The following CPNE3 variants were observed in gnomAD, a reference collection of about 807,000 sequenced individuals.
CPNE3 encodes copine-3.
CPNE3 carries 68 observed loss-of-function variants against 63.9 expected under a neutral mutation model. That is an observed-to-expected ratio of 1.06 (90% CI 0.87 to 1.30). The LOEUF (loss-of-function observed/expected upper bound fraction) is 1.30. CPNE3 is among the 50% of genes most tolerant of loss of function. The pLI is 0.00. For synonymous variants in CPNE3, 219 were observed against 197.5 expected (o/e 1.11, Z -0.91); for missense variants, 665 against 578.1 (o/e 1.15, Z -1.54).
rs199752866 is a variant in CPNE3 at position 86,558,433 on chromosome 8, T to C, written c.*23T>C. On this transcript the variant is annotated 3_prime_UTR_variant, in exon 17 of 17. Coordinates refer to ENST00000517490, the MANE Select transcript of CPNE3 (RefSeq NM_003909.5). ...TGACCACTTCAACAGAATTCTTTTG[T>C]GTTATGTGGAGCAATGCCATCTCTC... 59 of 872,782 alleles carry C rather than the reference T, an allele frequency of 6.8e-5. No homozygotes were observed. In the Middle Eastern group the frequency reaches 3.3e-3, roughly 48 times the overall value. The allele number at this position is 872,782 out of a possible 1,614,324, so 54.1% of individuals were successfully genotyped here.
intron 2 of CPNE3, among the ~76,000 whole-genome samples, chr8:86,520,822 T>G (rs976875385): frequency 3.3e-5 from 5 of 151,920 alleles, no homozygotes; most frequent in African/African-American, 1.2e-4. Context: ...CCAACTAATT[T>G]TTGTGTTTTT....
At chr8:86,539,911 C>T (rs993895402) in intron 7 of CPNE3, among the ~76,000 whole-genome samples, 12 of 152,008 alleles carry the variant, frequency 7.9e-5, no homozygotes, top group Non-Finnish European at 1.8e-4. Context: ...ATGATCTGCC[C>T]GTCTCGGCCT....
chr8:86,550,990 T>C, intron 12 of CPNE3, 56 bp from the exon 13 acceptor site: 7 of 1,485,922 alleles, frequency 4.7e-6, no homozygotes, highest in Non-Finnish European at 6.3e-6. Flanking sequence ...TGGGCAAAGA[T>C]AAAGCTTTTT....
chr8:86,540,221 C>G, intron 7 of CPNE3, 24 bp from the exon 8 acceptor site: 1 of 1,492,854 alleles, frequency 6.7e-7, no homozygotes, highest in Non-Finnish European at 9.3e-7. Context: ...TTTCTAACAG[C>G]TTTTTGAAAC....
chr8:86,556,202 T>C lies in CPNE3; in HGVS notation c.1355T>C (p.Ile452Thr). ...VNASRLPMSI[I>T]IVGVGGADFS... Reference sequence around the variant, plus strand: ...GCCTCCAGGCTGCCTATGTCCATCATAATTGTTGGAGTTGGAGGTGCTGAC... The same window carrying C: ...GCCTCCAGGCTGCCTATGTCCATCACAATTGTTGGAGTTGGAGGTGCTGAC... Residue 452 changes from isoleucine to threonine, a missense_variant, in exon 16 of 17, where the codon ATA becomes ACA. Coordinates refer to ENST00000517490, the MANE Select transcript of CPNE3 (RefSeq NM_003909.5). 1.1e-6 allele frequency: 1 copy of C among 873,050 alleles called. No individual in the cohort carries two copies. Among genetic ancestry groups the C allele is most frequent in the Non-Finnish European group, 2.0e-6 (1 of 501,690 alleles). The allele number at this position is 873,050 out of a possible 1,614,324, so 54.1% of individuals were successfully genotyped here. A position where few individuals can be genotyped will look rare whatever the true frequency, so the allele number is the denominator to read the frequency against.
At chr8:86,536,497 G>A (rs1563692060) in intron 6 of CPNE3, among the ~76,000 whole-genome samples, 1 of 151,808 alleles carries the variant, frequency 6.6e-6, no homozygotes, top group African/African-American at 2.4e-5. Flanking sequence ...TTAGAGATAA[G>A]GTTAAACACA....
chr8:86,527,946 A>ATTTTTTTTTTTTTTTTTTT lies in CPNE3; in HGVS notation c.-10-583_-10-565dup, dbSNP rs869225401. 8.8e-4 allele frequency among the ~76,000 whole-genome samples: 76 copies of ATTTTTTTTTTTTTTTTTTT among 85,968 alleles called. 13 individuals carry two copies. Among genetic ancestry groups the ATTTTTTTTTTTTTTTTTTT allele is most frequent in the African/African-American group, 1.9e-3 (33 of 17,652 alleles). The allele number at this position is 85,968 out of a possible 152,430, so 56.4% of individuals were successfully genotyped here. Reference sequence around the variant, plus strand: ...AAATTTATAGTTAAGGTAAAAAGAAATTTTTTTTTTTTTTTTTTTTTTTTT... The same window carrying ATTTTTTTTTTTTTTTTTTT: ...AAATTTATAGTTAAGGTAAAAAGAAATTTTTTTTTTTTTTTTTTTTTTTTTTTTTTTTTTTTTTTTTTTT... On this transcript the variant is annotated intron_variant, in intron 2 of 16. Transcript: ENST00000517490.
At chr8:86,523,152 T>C (rs1367082408) in intron 2 of CPNE3, among the ~76,000 whole-genome samples, 2 of 152,250 alleles carry the variant, frequency 1.3e-5, no homozygotes, top group South Asian at 4.1e-4. Flanking sequence ...ATGCTGAGCA[T>C]GCTACAGACC....
chr8:86,518,585 A>G (rs958463902), intron 2 of CPNE3, among the ~76,000 whole-genome samples: 1 of 152,176 alleles, frequency 6.6e-6, no homozygotes, highest in Non-Finnish European at 1.5e-5. Flanking sequence ...ATAAAGTGGG[A>G]CAGTAGTGAG....
intron 8 of CPNE3, among the ~76,000 whole-genome samples, chr8:86,541,390 G>A (rs1820934348): frequency 6.6e-6 from 1 of 152,076 alleles, no homozygotes; most frequent in South Asian, 2.1e-4. Flanking sequence ...TTTTGTAGAG[G>A]TGCCATTGTT....
At position 86,532,842 on chromosome 8, in the gene CPNE3, A is replaced by T. The variant is rs369570204; in HGVS notation, c.459+262A>T. On this transcript the variant is annotated intron_variant, in intron 6 of 16. Transcript: ENST00000517490. ...AAGCATTAATGTTACTGTAAAAGGC[A>T]TGAAAGAATACAGTTGAATTATCTT... is the stretch of plus-strand genomic sequence containing the variant. Among the ~76,000 whole-genome samples the T allele has an allele frequency of 9.2e-5, 14 of 152,334 alleles. No homozygotes were observed. In the East Asian group the frequency reaches 2.1e-3, roughly 23 times the overall value.
intron 14 of CPNE3, among the ~76,000 whole-genome samples, chr8:86,552,305 A>C (rs1355894664): frequency 6.6e-6 from 1 of 152,158 alleles, no homozygotes; most frequent in Non-Finnish European, 1.5e-5. Flanking sequence ...TTTTCCCCAG[A>C]ACACTTTTTC....
chr8:86,529,179 T>G, intron 4 of CPNE3, 55 bp downstream of exon 4: 1 of 1,482,574 alleles, frequency 6.7e-7, no homozygotes, highest in South Asian at 1.3e-5. Flanking sequence ...TCAATGAATT[T>G]GGTGGTGTTT....
intron 2 of CPNE3, among the ~76,000 whole-genome samples, chr8:86,517,766 C>A (rs1820346790): frequency 6.6e-6 from 1 of 152,198 alleles, no homozygotes; most frequent in South Asian, 2.1e-4. Flanking sequence ...GTGTAACTAA[C>A]CTCTCCCTGA....
At chr8:86,553,911 T>G (rs972347194) in intron 14 of CPNE3, 3 of 152,200 alleles carry the variant, frequency 2.0e-5, no homozygotes, top group Non-Finnish European at 4.4e-5. Context: ...CAGCAGTGCT[T>G]TGACCAGCAA....
rs534099618 is a variant in CPNE3 at position 86,540,279 on chromosome 8, C to A, written c.578C>A (p.Pro193His). ...VKNNLNPVWRPFKISLNSLCY... is the reference protein window; with the variant it reads ...VKNNLNPVWRHFKISLNSLCY... ...AACAACTTGAATCCTGTTTGGAGGC[C>A]TTTCAAGATCTCTCTTAACTCACTG... The change falls in exon 8 of 17, where the codon CCT becomes CAT. Residue 193 changes from proline to histidine, a missense_variant. Transcript: ENST00000517490. 1.2e-6 allele frequency: 2 copies of A among 1,609,174 alleles called. No homozygotes were observed. The highest frequency in any genetic ancestry group is 3.4e-5 in the Admixed American group (2 of 59,350).
rs372423183 is a variant in CPNE3 at position 86,556,097 on chromosome 8, G to A, written c.1255-5G>A. 59 of 872,306 alleles carry A rather than the reference G, an allele frequency of 6.8e-5. No homozygotes were observed. Among genetic ancestry groups the A allele is most frequent in the Admixed American group, 3.4e-5 (2 of 59,148 alleles). 54.0% of individuals were successfully genotyped at this position (872,306 alleles called of 1,614,324 possible). On this transcript the variant is annotated splice_polypyrimidine_tract_variant and splice_region_variant and intron_variant, in intron 15 of 16. Coordinates refer to ENST00000517490, the MANE Select transcript of CPNE3 (RefSeq NM_003909.5). ...CTCAGGGGACATGTTTTCTTTTTCT[G>A]GCAGCAATATTTTGTGCTTTTGATT...
At chr8:86,520,983 AT>A (rs1156634057) in intron 2 of CPNE3, among the ~76,000 whole-genome samples, 1 of 152,100 alleles carries the variant, frequency 6.6e-6, no homozygotes, top group Non-Finnish European at 1.5e-5. Flanking sequence ...TATGCTTGAC[AT>A]TATTCCCTAT....
chr8:86,551,054 T>C lies in CPNE3; in HGVS notation c.1022T>C (p.Met341Thr). 6.2e-7 allele frequency: 1 copy of C among 1,606,422 alleles called. No individual in the cohort carries two copies. The highest frequency in any genetic ancestry group is 8.5e-7 in the Non-Finnish European group (1 of 1,176,262). ...TATTTTTTTCTTTTTAGTGATAAGA[T>C]GTTTCCAGCTTTTGGTTTTGGCGCT... ...LVIQDYDADK[M>T]FPAFGFGAQI... The change falls in exon 13 of 17, where the codon ATG becomes ACG. Residue 341 changes from methionine (M) to threonine (T), a missense_variant. Coordinates refer to ENST00000517490, the MANE Select transcript of CPNE3 (RefSeq NM_003909.5).
Sources: gnomAD v4.1 joint callset for allele counts (sites outside exome capture counted in the v4.1 genomes callset) on GRCh38, gnomAD v4.1.1 for gene constraint, MANE v1.5 for transcripts, NCBI Gene and HGNC (gene_info 2026-07-23, HGNC 2026-07-21) for gene names.